RFX6: variants seen among roughly 807,000 people sequenced by gnomAD.
RFX6 encodes regulatory factor X6.
A neutral mutation model predicts 110.8 loss-of-function variants in RFX6; 50 were observed. The observed-to-expected ratio is 0.45, with a 90% CI of 0.36 to 0.57. RFX6 has a LOEUF of 0.57. RFX6 is among the 20% of genes least tolerant of loss of function. The pLI is 0.00. For synonymous variants in RFX6, 383 were observed against 411.2 expected (o/e 0.93, Z 0.83); for missense variants, 990 against 1,127.0 (o/e 0.88, Z 1.74).
rs1398668527 is a variant in RFX6 at position 116,927,229 on chromosome 6, T to C, written c.2088T>C (p.Phe696=). ...CTCTCCCTCAAGCCAATCATGACTTTTATAGCACCAGCTCTAACTACCAGA... is the reference window on the plus strand; with the variant it reads ...CTCTCCCTCAAGCCAATCATGACTTCTATAGCACCAGCTCTAACTACCAGA... ...YPTLPQANHD[F]YSTSSNYQTV... is the part of the protein sequence containing the mutation. The change falls in exon 17 of 19, where the codon TTT becomes TTC. Residue 696 remains phenylalanine, a synonymous_variant. Transcript: ENST00000332958. The C allele has an allele frequency of 6.2e-7, 1 of 1,614,200 alleles. No homozygotes were observed. Among genetic ancestry groups the C allele is most frequent in the Admixed American group, 1.7e-5 (1 of 60,016 alleles).
Position 116,919,162 on chromosome 6 carries a change from G to A in RFX6, c.1048G>A (p.Ala350Thr), listed in dbSNP as rs1562145488. ...ESLLADIRNFAKNWEQWVVSS... is the reference protein window; with the variant it reads ...ESLLADIRNFTKNWEQWVVSS... ...CTTATTAGCAGACATAAGAAATTTTGCTAAAAATTGGGAACAGTGGGTTGT... is the reference window on the plus strand; with the variant it reads ...CTTATTAGCAGACATAAGAAATTTTACTAAAAATTGGGAACAGTGGGTTGT... Residue 350 changes from alanine to threonine, a missense_variant, in exon 11 of 19, where the codon GCT (alanine) becomes ACT (threonine). Coordinates refer to ENST00000332958, the MANE Select transcript of RFX6 (RefSeq NM_173560.4). 2 of 1,613,440 alleles carry A rather than the reference G, an allele frequency of 1.2e-6. No individual in the cohort carries two copies. Among genetic ancestry groups the A allele is most frequent in the Non-Finnish European group, 1.7e-6 (2 of 1,179,590 alleles).
chr6:116,929,189 G>A (rs1484337048), intron 18 of RFX6, among the ~76,000 whole-genome samples: 1 of 152,026 alleles, frequency 6.6e-6, no homozygotes, highest in African/African-American at 2.4e-5. Context: ...GCAACCTACT[G>A]CTAGATCTGT....
At chr6:116,878,742 G>A (rs1774523259) in intron 2 of RFX6, among the ~76,000 whole-genome samples, 1 of 151,754 alleles carries the variant, frequency 6.6e-6, no homozygotes, top group African/African-American at 2.4e-5. Flanking sequence ...TATATTTACT[G>A]ATTAGTTACA....
At chr6:116,903,916 T>A (rs538632119) in intron 6 of RFX6, among the ~76,000 whole-genome samples, 1 of 152,018 alleles carries the variant, frequency 6.6e-6, no homozygotes, top group African/African-American at 2.4e-5. Context: ...TAGACATCTA[T>A]AGGAGTTGAA....
At chr6:116,920,510 C>A in intron 12 of RFX6, 56 bp downstream of exon 12, 1 of 1,464,864 alleles carries the variant, frequency 6.8e-7, no homozygotes, top group African/African-American at 1.4e-5. Flanking sequence ...AAATTGACAT[C>A]TTGAGCTGGG....
intron 18 of RFX6, among the ~76,000 whole-genome samples, chr6:116,930,161 G>C (rs992798225): frequency 6.6e-6 from 1 of 152,212 alleles, no homozygotes; most frequent in African/African-American, 2.4e-5. Context: ...GTTTATCAGA[G>C]CTGGCTTACA....
chr6:116,894,194 G>A (rs1056113699), intron 5 of RFX6, 130 bp downstream of exon 5: 40 of 689,636 alleles, frequency 5.8e-5, no homozygotes, highest in East Asian at 3.8e-4. Flanking sequence ...CTTAATGTCC[G>A]CTTTGTATGG....
intron 11 of RFX6, among the ~76,000 whole-genome samples, 200 bp from the exon 12 acceptor site, chr6:116,920,110 C>CA (rs1775560074): frequency 6.6e-6 from 1 of 152,156 alleles, no homozygotes; most frequent in African/African-American, 2.4e-5. Context: ...TCATCATTTA[C>CA]ATTAGGTGTA....
At chr6:116,925,797 T>A in intron 16 of RFX6, 138 bp downstream of exon 16, 1 of 684,790 alleles carries the variant, frequency 1.5e-6, no homozygotes. Flanking sequence ...TAATAAAGAT[T>A]TATAATATTT....
chr6:116,899,462 G>T (rs1775020857), intron 6 of RFX6, among the ~76,000 whole-genome samples: 1 of 152,150 alleles, frequency 6.6e-6, no homozygotes, highest in South Asian at 2.1e-4. Flanking sequence ...TGAGTCAACT[G>T]TAGATAGAAC....
intron 4 of RFX6, among the ~76,000 whole-genome samples, chr6:116,890,035 C>T (rs541773483): frequency 5.1e-4 from 31 of 61,224 alleles, no homozygotes; most frequent in African/African-American, 1.6e-3. Context: ...TCCTGCCAAA[C>T]AAGAATAAAG....
chr6:116,894,937 C>T (rs557255351), intron 5 of RFX6, among the ~76,000 whole-genome samples: 23 of 152,012 alleles, frequency 1.5e-4, no homozygotes, highest in Non-Finnish European at 2.9e-4. Context: ...AGTGAGTGTC[C>T]TTTACTTGTC....
intron 6 of RFX6, among the ~76,000 whole-genome samples, chr6:116,907,903 T>C (rs370953542): frequency 3.9e-5 from 6 of 152,238 alleles, no homozygotes; most frequent in African/African-American, 1.2e-4. Flanking sequence ...ATTTTGATTA[T>C]CTGTTATTAT....
In RFX6 at chr6:116,931,845, G is replaced by A. The variant is rs1055860326; in HGVS notation, c.*339G>A. 16 of 221,960 alleles carry A rather than the reference G, an allele frequency of 7.2e-5. No homozygotes were observed. Among genetic ancestry groups the A allele is most frequent in the Non-Finnish European group, 1.4e-4 (16 of 111,758 alleles). 13.7% of individuals were successfully genotyped at this position (221,960 alleles called of 1,614,324 possible). ...ACATCTGTGTGCCTTTTTATCTTTG[G>A]TTTCTTTTAAAAAGTATATTTAATG... is the stretch of plus-strand genomic sequence containing the variant. On this transcript the variant is annotated 3_prime_UTR_variant, in exon 19 of 19. Transcript: ENST00000332958.
intron 4 of RFX6, among the ~76,000 whole-genome samples, chr6:116,888,618 T>C (rs564842538): frequency 3.4e-4 from 52 of 152,254 alleles, no homozygotes; most frequent in Non-Finnish European, 6.3e-4. Flanking sequence ...TGTGAAATGT[T>C]TGGGAATCTT....
At chr6:116,912,606 T>C (rs910109382) in intron 7 of RFX6, among the ~76,000 whole-genome samples, 4 of 152,198 alleles carry the variant, frequency 2.6e-5, no homozygotes, top group South Asian at 2.1e-4. Flanking sequence ...CTCAGTCTTC[T>C]GAGGGAGGGT....
At chr6:116,917,475 A>G (rs746503534) in intron 9 of RFX6, among the ~76,000 whole-genome samples, 1 of 152,120 alleles carries the variant, frequency 6.6e-6, no homozygotes, top group Non-Finnish European at 1.5e-5. Context: ...GTGAGTGAGT[A>G]TAAGAAAAGA....
At chr6:116,889,121 C>T (rs1458530695) in intron 4 of RFX6, among the ~76,000 whole-genome samples, 2 of 152,242 alleles carry the variant, frequency 1.3e-5, no homozygotes, top group African/African-American at 4.8e-5. Context: ...TAGCAACAGT[C>T]TTTCCACCAA....
Position 116,931,253 on chromosome 6 carries a change from G to A in RFX6, c.2612-78G>A, listed in dbSNP as rs577096682. The A allele has an allele frequency of 3.8e-4, 387 of 1,017,158 alleles. 3 individuals are homozygous for A. The African/African-American group carries it at 5.3e-3, about 14-fold the overall frequency. 63.0% of individuals were successfully genotyped at this position (1,017,158 alleles called of 1,614,324 possible). A position where few individuals can be genotyped will look rare whatever the true frequency, so the allele number is the denominator to read the frequency against. On this transcript the variant is annotated intron_variant, in intron 18 of 18. Transcript: ENST00000332958. ...TGCTAAGTGCAAAAATAAATACAGGGTATTAAAATGAGTGGCATTTGCAGA... is the reference window on the plus strand; with the variant it reads ...TGCTAAGTGCAAAAATAAATACAGGATATTAAAATGAGTGGCATTTGCAGA...
Sources: gnomAD v4.1 joint callset for allele counts (sites outside exome capture counted in the v4.1 genomes callset) on GRCh38, gnomAD v4.1.1 for gene constraint, MANE v1.5 for transcripts, NCBI Gene and HGNC (gene_info 2026-07-23, HGNC 2026-07-21) for gene names.